STS: variants seen among roughly 807,000 people sequenced by gnomAD.
STS encodes the protein steryl-sulfatase.
In STS, 7 loss-of-function variants were observed where a neutral mutation model predicts 26.8. The ratio of observed to expected loss-of-function variants is 0.26; its 90% confidence interval spans 0.15 to 0.49. The LOEUF (loss-of-function observed/expected upper bound fraction) is 0.49, where lower values mean the gene tolerates loss of function less well. Among genes scored for constraint, STS ranks in the 20% least tolerant of loss-of-function variants. STS has a pLI of 0.98. For missense variants in STS, 434 were observed against 465.6 expected (o/e 0.93, Z 0.63); for synonymous variants, 199 against 189.4 (o/e 1.05, Z -0.42).
At position 7,227,828 on chromosome X, in the gene STS, C is replaced by T. The variant is rs753294874; in HGVS notation, c.-4-25368C>T. On this transcript the variant is annotated intron_variant, in intron 2 of 10. Coordinates refer to ENST00000674429, the MANE Select transcript of STS (RefSeq NM_001320752.2). ...CTGCAGGTCTCTGGACTTAATCCAT[C>T]TTGCTTACCTAAAGTTTTATGCCTG... Among the ~76,000 whole-genome samples, 4 of 111,832 alleles carry T rather than the reference C, an allele frequency of 3.6e-5. No individual in the cohort carries two copies. The South Asian group carries it at 1.5e-3, about 42-fold the overall frequency.
At chrX:7,337,737 C>T (rs192831435) in intron 10 of STS, among the ~76,000 whole-genome samples, 1 of 112,286 alleles carries the variant, frequency 8.9e-6, no homozygotes, top group African/African-American at 3.2e-5. Context: ...TGGGTGTTTA[C>T]ACCACGGCAA....
intron 7 of STS, among the ~76,000 whole-genome samples, chrX:7,279,951 C>A (rs1569211155): frequency 9.0e-6 from 1 of 111,708 alleles, no homozygotes; most frequent in African/African-American, 3.3e-5. Context: ...GTTAGGTACA[C>A]CCACCTCAGG....
rs190064633 is a variant in STS at position 7,276,477 on chromosome X, A to T, written c.943+390A>T. On this transcript the variant is annotated intron_variant, in intron 7 of 10. Transcript: ENST00000674429. Reference sequence around the variant, plus strand: ...GACTGAGACCTTGTCTCTTAAAAAAAATATATATATCTTTACCCTCTTTTG... The same window carrying T: ...GACTGAGACCTTGTCTCTTAAAAAATATATATATATCTTTACCCTCTTTTG... 1.7e-3 allele frequency among the ~76,000 whole-genome samples: 194 copies of T among 111,292 alleles called. 1 individual carries two copies. The highest frequency in any genetic ancestry group is 2.5e-3 in the Non-Finnish European group (133 of 53,043).
At chrX:7,261,455 T>C (rs1923743833) in intron 6 of STS, among the ~76,000 whole-genome samples, 1 of 112,024 alleles carries the variant, frequency 8.9e-6, no homozygotes, top group Admixed American at 9.5e-5. Context: ...AGAGAATACA[T>C]AGTTAAGGTA....
At chrX:7,217,909 A>G (rs1011287146) in intron 2 of STS, among the ~76,000 whole-genome samples, 2 of 111,927 alleles carry the variant, frequency 1.8e-5, no homozygotes, top group African/African-American at 6.5e-5. Context: ...ATGATCTTCA[A>G]TCCCCAATGT....
chrX:7,206,977 A>G (rs781087570), intron 2 of STS, among the ~76,000 whole-genome samples: 2 of 112,159 alleles, frequency 1.8e-5, no homozygotes, highest in Admixed American at 1.9e-4. Flanking sequence ...TGGGAGGCCA[A>G]GGAGGGTGGA....
chrX:7,257,114 G>A (rs1312001258), intron 3 of STS, 128 bp from the exon 4 acceptor site: 27 of 937,890 alleles, frequency 2.9e-5, no homozygotes, highest in East Asian at 1.6e-4. Context: ...TTAGCCAGGC[G>A]TGGTAGTGTG....
At chrX:7,257,151 G>A (rs942514642) in intron 3 of STS, 91 bp from the exon 4 acceptor site, 1 of 1,151,979 alleles carries the variant, frequency 8.7e-7, no homozygotes, top group Admixed American at 2.2e-5. Context: ...CTGCACTCCA[G>A]CCTGGGTGAC....
At chrX:7,232,972 TC>T (rs1410646054) in intron 2 of STS, among the ~76,000 whole-genome samples, 1 of 111,340 alleles carries the variant, frequency 9.0e-6, no homozygotes, top group African/African-American at 3.3e-5. Flanking sequence ...GGTCTCTCCT[TC>T]GCCATCACCT....
At chrX:7,261,469 G>C (rs1391955673) in intron 6 of STS, among the ~76,000 whole-genome samples, 2 of 112,001 alleles carry the variant, frequency 1.8e-5, no homozygotes. Context: ...TAAGGTATGT[G>C]GAAGCTACAT....
rs968540084 is a variant in STS, at chrX:7,219,872, C to T, written c.-5+28864C>T. On this transcript the variant is annotated intron_variant, in intron 2 of 10. Transcript: ENST00000674429. ...TATAATGATTTTCTGTGAGGCTTAG[C>T]GAGGGAACATTTTAGGAGAGGTTAT... Among the ~76,000 whole-genome samples, 4 of 112,252 alleles carry T rather than the reference C, an allele frequency of 3.6e-5. 1 individual carries two copies. Among genetic ancestry groups the T allele is most frequent in the Non-Finnish European group, 1.9e-5 (1 of 53,307 alleles).
intron 10 of STS, among the ~76,000 whole-genome samples, chrX:7,344,507 A>G (rs1238556337): frequency 1.8e-5 from 2 of 111,360 alleles, no homozygotes; most frequent in East Asian, 2.8e-4. Context: ...CCACCCTGAC[A>G]GAGGCCCCAT....
intron 10 of STS, among the ~76,000 whole-genome samples, chrX:7,341,502 A>G (rs1472300140): frequency 9.0e-6 from 1 of 111,510 alleles, no homozygotes; most frequent in Non-Finnish European, 1.9e-5. Flanking sequence ...ATGACTGCCC[A>G]TTTTTGACAC....
intron 8 of STS, among the ~76,000 whole-genome samples, chrX:7,307,888 T>TA (rs778995408): frequency 8.9e-6 from 1 of 112,527 alleles, no homozygotes; most frequent in Non-Finnish European, 1.9e-5. Flanking sequence ...CTATGGGACA[T>TA]ATGTTAAAGT....
chrX:7,334,121 C>A lies in STS; in HGVS notation c.1363+14C>A. The A allele has an allele frequency of 8.3e-7, 1 of 1,211,250 alleles. No homozygotes were observed. The highest frequency in any genetic ancestry group is 1.1e-6 in the Non-Finnish European group (1 of 895,171). On this transcript the variant is annotated intron_variant, in intron 10 of 10. Coordinates refer to ENST00000674429, the MANE Select transcript of STS (RefSeq NM_001320752.2). ...ACCCTCAGAACAGTGAGTAAACAGA[C>A]CTTTCCACGCTCCTCATGCTCCGTG... is the stretch of plus-strand genomic sequence containing the variant.
chrX:7,325,242 T>G, intron 8 of STS, 97 bp from the exon 9 acceptor site: 2 of 903,780 alleles, frequency 2.2e-6, no homozygotes, highest in Non-Finnish European at 3.2e-6. Flanking sequence ...TTAGAGCAGT[T>G]GGTTCTTCTA....
intron 6 of STS, among the ~76,000 whole-genome samples, chrX:7,273,305 A>G (rs1463342805): frequency 8.9e-6 from 1 of 111,751 alleles, no homozygotes; most frequent in Non-Finnish European, 1.9e-5. Context: ...ACCAGCAGAG[A>G]ATCATCTCAG....
intron 2 of STS, among the ~76,000 whole-genome samples, chrX:7,224,801 TG>T (rs1161569425): frequency 8.9e-6 from 1 of 112,723 alleles, no homozygotes; most frequent in Non-Finnish European, 1.9e-5. Context: ...TAGAACCTTC[TG>T]GGTCTAATCG....
intron 6 of STS, among the ~76,000 whole-genome samples, chrX:7,268,318 C>T (rs778656015): frequency 8.9e-6 from 1 of 112,049 alleles, no homozygotes; most frequent in South Asian, 3.7e-4. Context: ...GGTCTATGTA[C>T]TGCTATCACC....
Sources: gnomAD v4.1 joint callset for allele counts (sites outside exome capture counted in the v4.1 genomes callset) on GRCh38, gnomAD v4.1.1 for gene constraint, MANE v1.5 for transcripts, NCBI Gene and HGNC (gene_info 2026-07-23, HGNC 2026-07-21) for gene names.